TRPA1: variants seen among roughly 807,000 people sequenced by gnomAD.
The protein encoded by TRPA1 is ankyrin-like with transmembrane domains 1.
In TRPA1, 129 loss-of-function variants were observed where a neutral mutation model predicts 131.3. The observed-to-expected ratio is 0.98, with a 90% CI of 0.85 to 1.14. The LOEUF (loss-of-function observed/expected upper bound fraction) is 1.14. Ranked by LOEUF, TRPA1 falls within the 50% of genes most tolerant of loss-of-function variation. The probability of loss-of-function intolerance (pLI) is 0.00; values close to 1 mark genes in which losing one functional copy is unlikely to be tolerated. For synonymous variants in TRPA1, 441 were observed against 451.7 expected, an observed-to-expected ratio of 0.98 and a Z score of 0.30; for missense variants, 1,304 against 1,354.2, an observed-to-expected ratio of 0.96 and a Z score of 0.58.
Position 72,047,138 on chromosome 8 carries a change from A to C in TRPA1, c.1965+10T>G. The C allele has an allele frequency of 6.3e-7, 1 of 1,585,230 alleles. No homozygotes were observed. The highest frequency in any genetic ancestry group is 1.1e-5 in the South Asian group (1 of 89,112). ...ATAAATTTCAGATAATGATGATAAA[A>C]TAAACTTACATAATAGTCTCGGCAG... On this transcript the variant is annotated intron_variant, in intron 16 of 26. Coordinates refer to ENST00000262209, the MANE Select transcript of TRPA1 (RefSeq NM_007332.3).
chr8:72,022,740 T>C lies in TRPA1; in HGVS notation c.*166A>G, dbSNP rs528689046. The C allele has an allele frequency of 5.3e-4, 372 of 705,228 alleles. No homozygotes were observed. The African/African-American group carries it at 5.6e-3, about 11-fold the overall frequency. The allele number at this position is 705,228 out of a possible 1,614,324, so 43.7% of individuals were successfully genotyped here. ...AATACATAGTGATTGGTAGAAAATATGAATAGAGGATAAAAGATGGTTTAC... is the reference window on the plus strand; with the variant it reads ...AATACATAGTGATTGGTAGAAAATACGAATAGAGGATAAAAGATGGTTTAC... On this transcript the variant is annotated 3_prime_UTR_variant, in exon 27 of 27. Coordinates refer to ENST00000262209, the MANE Select transcript of TRPA1 (RefSeq NM_007332.3).
At chr8:72,063,181 A>T (rs902782178) in intron 5 of TRPA1, among the ~76,000 whole-genome samples, 8 of 152,204 alleles carry the variant, frequency 5.3e-5, no homozygotes, top group African/African-American at 1.9e-4. Flanking sequence ...GGAGATCGAG[A>T]CCAGCCTGGC....
chr8:72,026,060 G>T lies in TRPA1; in HGVS notation c.2951C>A (p.Thr984Asn), dbSNP rs1394805546. ...KRIAMQVELH[T>N]SLEKKLPLWF... ...AAGTGGCAGCTTCTTCTCTAAGCTG[G>T]TATGAAGTTCCACCTAAAGTGCATT... Residue 984 changes from threonine to asparagine, a missense_variant, in exon 25 of 27, where the codon ACC becomes AAC. Thr to Asn is a moderately conservative substitution (Grantham distance 65, BLOSUM62 0). Transcript: ENST00000262209. 2 of 1,613,588 alleles carry T rather than the reference G, an allele frequency of 1.2e-6. No homozygotes were observed. The highest frequency in any genetic ancestry group is 3.3e-5 in the Admixed American group (2 of 59,954).
intron 16 of TRPA1, among the ~76,000 whole-genome samples, chr8:72,046,947 C>T (rs1279031251): frequency 6.6e-6 from 1 of 151,804 alleles, no homozygotes; most frequent in African/African-American, 2.4e-5. Flanking sequence ...CTAAATGATG[C>T]TATTAGAAAC....
At chr8:72,023,636 C>A in intron 26 of TRPA1, 178 bp downstream of exon 26, 1 of 540,488 alleles carries the variant, frequency 1.9e-6, no homozygotes, top group Non-Finnish European at 3.3e-6. Flanking sequence ...TGAATAGTGG[C>A]AAATATGTTG....
In TRPA1 at chr8:72,021,364, A is replaced by C. The variant is rs1294534631; in HGVS notation, c.*1542T>G. ...AGATCTATATTGTGCAATGCTACAC[A>C]AGGTTTGAGGAGAGGGAAGACTGAA... On this transcript the variant is annotated 3_prime_UTR_variant, in exon 27 of 27. Transcript: ENST00000262209. The C allele has an allele frequency of 6.6e-6, 1 of 152,146 alleles. No individual in the cohort carries two copies. The highest frequency in any genetic ancestry group is 1.5e-5 in the Non-Finnish European group (1 of 68,016). 9.4% of individuals were successfully genotyped at this position (152,146 alleles called of 1,614,324 possible). A position where few individuals can be genotyped will look rare whatever the true frequency, so the allele number is the denominator to read the frequency against.
upstream of TRPA1, among the ~76,000 whole-genome samples, chr8:72,075,859 A>AGAGTGTGTGT: frequency 7.4e-6 from 1 of 135,108 alleles, no homozygotes. Context: ...CTTGCATGTG[A>AGAGTGTGTGT]GTGTGTGTGT....
the TRPA1 span, among the ~76,000 whole-genome samples, chr8:72,089,181 C>T: frequency 1.3e-5 from 2 of 152,032 alleles, no homozygotes; most frequent in Non-Finnish European, 2.9e-5. Context: ...AACTATTTAA[C>T]CTGAAGCAGT....
rs1482497108 is a variant in TRPA1, at chr8:72,063,580, A to G, written c.553-9T>C. 2 of 1,600,646 alleles carry G rather than the reference A, an allele frequency of 1.2e-6. No homozygotes were observed. The highest frequency in any genetic ancestry group is 2.2e-5 in the East Asian group (1 of 44,732). On this transcript the variant is annotated splice_polypyrimidine_tract_variant and intron_variant, in intron 4 of 26. Coordinates refer to ENST00000262209, the MANE Select transcript of TRPA1 (RefSeq NM_007332.3). ...TTAGCTCCTTTTTTAAGCTGGAAGAAAAGACAAAATGAAAAATGACACCAG... is the reference window on the plus strand; with the variant it reads ...TTAGCTCCTTTTTTAAGCTGGAAGAGAAGACAAAATGAAAAATGACACCAG...
intron 4 of TRPA1, among the ~76,000 whole-genome samples, chr8:72,065,127 A>T (rs1166586172): frequency 6.6e-6 from 1 of 152,100 alleles, no homozygotes; most frequent in Non-Finnish European, 1.5e-5. Flanking sequence ...TCTTTATAAC[A>T]TCCAGGCCAT....
In TRPA1 at chr8:72,021,602, T is replaced by G. The variant is rs1056102359; in HGVS notation, c.*1304A>C. On this transcript the variant is annotated 3_prime_UTR_variant, in exon 27 of 27. Transcript: ENST00000262209. Reference sequence around the variant, plus strand: ...AATAGTACATATCGTCCCTCAGCACTCTGCTGGTTTGTATGAACATCAGTA... The same window carrying G: ...AATAGTACATATCGTCCCTCAGCACGCTGCTGGTTTGTATGAACATCAGTA... 7.2e-5 allele frequency: 11 copies of G among 152,076 alleles called. No individual in the cohort carries two copies. The highest frequency in any genetic ancestry group is 2.7e-4 in the African/African-American group (11 of 41,414). The allele number at this position is 152,076 out of a possible 1,614,324, so 9.4% of individuals were successfully genotyped here.
intron 8 of TRPA1, among the ~76,000 whole-genome samples, chr8:72,058,644 C>A (rs1252092422): frequency 6.6e-6 from 1 of 152,128 alleles, no homozygotes; most frequent in Non-Finnish European, 1.5e-5. Flanking sequence ...TTGCAGGAAA[C>A]CATGCATGAC....
At chr8:72,044,124 G>A (rs1812348064) in intron 17 of TRPA1, among the ~76,000 whole-genome samples, 1 of 149,978 alleles carries the variant, frequency 6.7e-6, no homozygotes, top group South Asian at 2.1e-4. Context: ...AGTCTGGGGG[G>A]AATAAAAGAA....
chr8:72,080,586 C>A, the TRPA1 span, among the ~76,000 whole-genome samples: 1 of 151,554 alleles, frequency 6.6e-6, no homozygotes, highest in Non-Finnish European at 1.5e-5. Context: ...TAGTGGCCTC[C>A]CTGAATAAGT....
intron 8 of TRPA1, 28 bp from the exon 9 acceptor site, chr8:72,057,844 A>G (rs1290442324): frequency 2.0e-6 from 3 of 1,512,424 alleles, no homozygotes; most frequent in Non-Finnish European, 2.8e-6. Context: ...CATTCAACAA[A>G]GAGCTTAGAA....
chr8:72,024,872 G>C (rs935781522), intron 25 of TRPA1, among the ~76,000 whole-genome samples: 2 of 152,070 alleles, frequency 1.3e-5, no homozygotes, highest in Admixed American at 6.5e-5. Context: ...ATAAAGCCTA[G>C]ACTGATACTC....
At chr8:72,081,444 C>T in the TRPA1 span, among the ~76,000 whole-genome samples, 5 of 151,598 alleles carry the variant, frequency 3.3e-5, no homozygotes, top group African/African-American at 1.2e-4. Flanking sequence ...GTAGACTGTT[C>T]TACATACACT....
rs1805537254 is a variant in TRPA1, at chr8:72,052,605, C to T, written c.1805G>A (p.Ser602Asn). The change falls in exon 14 of 27, where the codon AGC (serine) becomes AAC (asparagine). Residue 602 changes from serine (S) to asparagine (N), a missense_variant. Ser to Asn is a conservative substitution (Grantham distance 46). Transcript: ENST00000262209. ...GGACAGGAAGACAGTGTACCTTTTGCTCCTGATGATCGTAAGAACAACCTC... is the reference window on the plus strand; with the variant it reads ...GGACAGGAAGACAGTGTACCTTTTGTTCCTGATGATCGTAAGAACAACCTC... Reference protein sequence around the residue: ...RKEVVLTIIRSKRWDECLKIF... With the variant: ...RKEVVLTIIRNKRWDECLKIF... 6.2e-7 allele frequency: 1 copy of T among 1,613,462 alleles called. No homozygotes were observed.
Position 72,052,675 on chromosome 8 carries a change from G to A in TRPA1, c.1735C>T (p.Gln579Ter), listed in dbSNP as rs556934623. 9 of 1,613,810 alleles carry A rather than the reference G, an allele frequency of 5.6e-6. No homozygotes were observed. Among genetic ancestry groups the A allele is most frequent in the East Asian group, 2.2e-5 (1 of 44,840 alleles). Residue 579 changes from glutamine (Q) to a stop codon, truncating the protein, a stop_gained, in exon 14 of 27, where the codon CAG becomes TAG. Coordinates refer to ENST00000262209, the MANE Select transcript of TRPA1 (RefSeq NM_007332.3). LOFTEE classifies it high-confidence loss of function. ...SHNADIVLNK[Q>*]QASFLHLALH... ...GCAAGGTGCAAAAAGGAGGCCTGCT[G>A]CTTGTTCAGGACTATGTCAGCATTG...
Sources: gnomAD v4.1 joint callset for allele counts (sites outside exome capture counted in the v4.1 genomes callset) on GRCh38, gnomAD v4.1.1 for gene constraint, MANE v1.5 for transcripts, NCBI Gene and HGNC (gene_info 2026-07-23, HGNC 2026-07-21) for gene names.